AUTS2: variants seen among roughly 807,000 people sequenced by gnomAD.
AUTS2 encodes activator of transcription and developmental regulator AUTS2, also known as autism susceptibility gene 2 protein.
AUTS2 carries 17 observed loss-of-function variants against 112.4 expected under a neutral mutation model. The observed-to-expected ratio is 0.15, with a 90% CI of 0.10 to 0.23. AUTS2 has a LOEUF of 0.23. Ranked by LOEUF, AUTS2 falls within the 10% of genes least tolerant of loss-of-function variation. The pLI, the probability that AUTS2 is intolerant of heterozygous loss-of-function variation, is 1.00. For missense variants in AUTS2, 1,510 were observed against 1,701.6 expected (o/e 0.89, Z 1.98); for synonymous variants, 751 against 702.7 (o/e 1.07, Z -1.09).
chr7:70,246,831 T>C (rs1812947514), intron 4 of AUTS2, among the ~76,000 whole-genome samples: 1 of 152,090 alleles, frequency 6.6e-6, no homozygotes, highest in African/African-American at 2.4e-5. Context: ...TTGAATATAA[T>C]ATTTATCTTT....
chr7:69,737,874 G>A (rs1787101224), intron 1 of AUTS2, among the ~76,000 whole-genome samples: 1 of 152,188 alleles, frequency 6.6e-6, no homozygotes, highest in Non-Finnish European at 1.5e-5. Context: ...TAATTGCATT[G>A]AGAGAACATC....
At chr7:70,179,687 T>C (rs1270932294) in intron 4 of AUTS2, among the ~76,000 whole-genome samples, 2 of 152,186 alleles carry the variant, frequency 1.3e-5, no homozygotes, top group African/African-American at 4.8e-5. Flanking sequence ...CATGTGAAAG[T>C]TGATCTCTAA....
At chr7:69,757,854 A>G (rs955811629) in intron 1 of AUTS2, among the ~76,000 whole-genome samples, 3 of 152,250 alleles carry the variant, frequency 2.0e-5, no homozygotes, top group Admixed American at 6.5e-5. Context: ...GTGCAATACA[A>G]AAAAAGATAC....
At chr7:70,468,146 AGT>A (rs1409749662) in intron 5 of AUTS2, among the ~76,000 whole-genome samples, 1 of 152,194 alleles carries the variant, frequency 6.6e-6, no homozygotes, top group Non-Finnish European at 1.5e-5. Flanking sequence ...TGCAACAACA[AGT>A]GAGGGCGATT....
chr7:69,974,522 G>A (rs1797979777), intron 2 of AUTS2, among the ~76,000 whole-genome samples: 1 of 151,840 alleles, frequency 6.6e-6, no homozygotes, highest in South Asian at 2.1e-4. Flanking sequence ...TGAGAATGAG[G>A]GGTCCAGTGG....
chr7:70,754,167 GAATAA>G lies in AUTS2; in HGVS notation c.743-8677_743-8673del, dbSNP rs141707447. 4.6e-4 allele frequency among the ~76,000 whole-genome samples: 70 copies of G among 150,788 alleles called. No homozygotes were observed. The South Asian group carries it at 7.2e-3, about 15-fold the overall frequency. ...CAGAGCGAGACTCTGTCTCAAAATA[GAATAA>G]AATAAAATAAAATAAAATAAAATAA... On this transcript the variant is annotated intron_variant, in intron 6 of 18. Transcript: ENST00000342771.
chr7:70,032,161 A>C (rs1163437283), intron 2 of AUTS2, among the ~76,000 whole-genome samples: 1 of 152,116 alleles, frequency 6.6e-6, no homozygotes, highest in African/African-American at 2.4e-5. Flanking sequence ...CAGGTCCTTA[A>C]AAAAAGGACA....
At chr7:70,044,059 G>A (rs1393262487) in intron 2 of AUTS2, among the ~76,000 whole-genome samples, 3 of 151,798 alleles carry the variant, frequency 2.0e-5, no homozygotes, top group Admixed American at 6.6e-5. Context: ...GAGTATTGGC[G>A]TGTGGTGTTT....
chr7:70,109,540 A>T (rs1804958160), intron 2 of AUTS2, among the ~76,000 whole-genome samples: 1 of 152,118 alleles, frequency 6.6e-6, no homozygotes, highest in Admixed American at 6.5e-5. Context: ...AAATTTAAAA[A>T]TTTTCTGATT....
At chr7:70,265,000 C>T (rs1041273113) in intron 4 of AUTS2, among the ~76,000 whole-genome samples, 9 of 152,200 alleles carry the variant, frequency 5.9e-5, no homozygotes, top group Non-Finnish European at 1.3e-4. Flanking sequence ...TCATACCAAA[C>T]ATTAGAGTTC....
chr7:69,619,239 A>G (rs1793534968), intron 1 of AUTS2, among the ~76,000 whole-genome samples: 2 of 152,308 alleles, frequency 1.3e-5, no homozygotes, highest in South Asian at 2.1e-4. Context: ...AGCTGCGGAT[A>G]TATTTACATA....
intron 4 of AUTS2, among the ~76,000 whole-genome samples, chr7:70,187,508 C>T (rs1809665843): frequency 6.6e-6 from 1 of 152,034 alleles, no homozygotes; most frequent in African/African-American, 2.4e-5. Context: ...TTTATTTGGA[C>T]AAGTGTTTTC....
At chr7:69,967,716 C>G (rs1350717201) in intron 2 of AUTS2, among the ~76,000 whole-genome samples, 1 of 152,068 alleles carries the variant, frequency 6.6e-6, no homozygotes, top group East Asian at 1.9e-4. Flanking sequence ...TGTTTTTGCT[C>G]TTTTCATTTT....
At chr7:69,983,833 T>C (rs895563905) in intron 2 of AUTS2, among the ~76,000 whole-genome samples, 1 of 152,188 alleles carries the variant, frequency 6.6e-6, no homozygotes, top group Non-Finnish European at 1.5e-5. Context: ...AAATTTACTA[T>C]CTATACTAAA....
chr7:69,814,862 T>G (rs1292004969), intron 1 of AUTS2, among the ~76,000 whole-genome samples: 1 of 152,240 alleles, frequency 6.6e-6, no homozygotes, highest in Non-Finnish European at 1.5e-5. Context: ...TTGACAGTGT[T>G]GTGGCCAACA....
intron 2 of AUTS2, among the ~76,000 whole-genome samples, chr7:70,029,462 T>C (rs981421615): frequency 6.6e-5 from 10 of 152,118 alleles, no homozygotes; most frequent in Non-Finnish European, 1.3e-4. Flanking sequence ...TTGAAACTTA[T>C]ATTATGACAT....
chr7:69,611,746 A>C (rs973746211), intron 1 of AUTS2, among the ~76,000 whole-genome samples: 1 of 150,656 alleles, frequency 6.6e-6, no homozygotes, highest in South Asian at 2.1e-4. Flanking sequence ...CTGGCTAACA[A>C]GGTGAAACCC....
chr7:70,387,423 C>A (rs1375889265), intron 4 of AUTS2, among the ~76,000 whole-genome samples: 2 of 152,164 alleles, frequency 1.3e-5, no homozygotes, highest in African/African-American at 2.4e-5. Context: ...ACTTTTGGCT[C>A]CAGTGTTTAG....
intron 1 of AUTS2, among the ~76,000 whole-genome samples, chr7:69,849,405 C>T (rs1009142611): frequency 8.5e-5 from 13 of 152,078 alleles, no homozygotes; most frequent in Admixed American, 5.2e-4. Flanking sequence ...AGCTCTATGT[C>T]GTTCTTTGAC....
Sources: allele counts gnomAD v4.1 joint callset (sites outside exome capture counted in the v4.1 genomes callset), GRCh38; gene constraint gnomAD v4.1.1; transcripts MANE v1.5; gene names NCBI Gene and HGNC (gene_info 2026-07-23, HGNC 2026-07-21).